The following B4GALT1 variants were observed in gnomAD, a reference collection of about 807,000 sequenced individuals.
B4GALT1 encodes the protein beta-1,4-galactosyltransferase 1, also known as N-acetyllactosamine synthase.
B4GALT1 carries 16 observed loss-of-function variants against 34.9 expected under a neutral mutation model. That is an observed-to-expected ratio of 0.46 (90% confidence interval 0.31 to 0.70). The LOEUF (loss-of-function observed/expected upper bound fraction) is 0.70, where lower values mean the gene tolerates loss of function less well. Ranked by LOEUF, B4GALT1 falls within the 30% of genes least tolerant of loss-of-function variation. B4GALT1 has a pLI of 0.05. For missense variants in B4GALT1, 445 were observed against 530.5 expected, an observed-to-expected ratio of 0.84 and a Z score of 1.58; for synonymous variants, 221 against 218.1, an observed-to-expected ratio of 1.01 and a Z score of -0.12.
chr9:33,113,382 C>T lies in B4GALT1; in HGVS notation c.*72G>A. ...ACTGGTAAAAATGAGAGGGACCAGC[C>T]CAGCAGATTGGCAGAGACACACAGC... On this transcript the variant is annotated 3_prime_UTR_variant, in exon 6 of 6. Coordinates refer to ENST00000379731, the MANE Select transcript of B4GALT1 (RefSeq NM_001497.4). 2.5e-6 allele frequency: 4 copies of T among 1,608,680 alleles called. No homozygotes were observed. In the South Asian group the frequency reaches 3.3e-5, roughly 13 times the overall value.
At chr9:33,110,083 G>A (rs1251864891), downstream of B4GALT1, among the ~76,000 whole-genome samples, 1 of 152,236 alleles carries the variant, frequency 6.6e-6, no homozygotes, top group Non-Finnish European at 1.5e-5. Context: ...GCCAAGGGTG[G>A]CTCTCCTGCT....
chr9:33,104,739 C>A lies in B4GALT1; in HGVS notation c.*13G>T, dbSNP rs1012146040. ...GCTGCCACCTCCAGAGCAGAACAGA[C>A]CAGGCGAAGCCTTCACCACAGGAGT... is the stretch of plus-strand genomic sequence containing the variant. On this transcript the variant is annotated 3_prime_UTR_variant, in exon 3 of 3. Coordinates refer to the B4GALT1 transcript ENST00000535206. 1.1e-5 allele frequency: 5 copies of A among 455,976 alleles called. No individual in the cohort carries two copies. In the Admixed American group the frequency reaches 1.2e-4, roughly 11 times the overall value. The allele number at this position is 455,976 out of a possible 1,614,324, so 28.2% of individuals were successfully genotyped here.
At chr9:33,141,327 GAAACCCCATCTCTACT>G (rs752882649) in intron 1 of B4GALT1, among the ~76,000 whole-genome samples, 4 of 152,072 alleles carry the variant, frequency 2.6e-5, no homozygotes, top group Non-Finnish European at 5.9e-5. Flanking sequence ...CCAACATGGT[GAAACCCCATCTCTACT>G]AAACCCCATC....
Position 33,113,882 on chromosome 9 carries a change from C to CA in B4GALT1, c.960-5dup. ...AGACATGCCTCTAAAAACTAATCTG[C>CA]AAAGAGTAAAGGGAAAGTCATTATC... On this transcript the variant is annotated splice_polypyrimidine_tract_variant and splice_region_variant and intron_variant, in intron 4 of 5. Transcript: ENST00000379731. The CA allele has an allele frequency of 1.2e-6, 2 of 1,613,920 alleles. No individual in the cohort carries two copies. Among genetic ancestry groups the CA allele is most frequent in the Non-Finnish European group, 1.7e-6 (2 of 1,179,776 alleles).
intron 1 of B4GALT1, among the ~76,000 whole-genome samples, chr9:33,142,218 T>A (rs1279480337): frequency 6.6e-6 from 1 of 152,174 alleles, no homozygotes; most frequent in African/African-American, 2.4e-5. Flanking sequence ...CTTGACCTCA[T>A]GATCTGCCTG....
At position 33,112,220 on chromosome 9, in the gene B4GALT1, G is replaced by T. The variant is rs1299998364; in HGVS notation, c.*1234C>A. Reference sequence around the variant, plus strand: ...AGAACAGAGGCTCCCTCTGCCTGGGGAGGTGCAAAGGGCTGGTAAACAACC... The same window carrying T: ...AGAACAGAGGCTCCCTCTGCCTGGGTAGGTGCAAAGGGCTGGTAAACAACC... On this transcript the variant is annotated 3_prime_UTR_variant, in exon 6 of 6. Coordinates refer to ENST00000379731, the MANE Select transcript of B4GALT1 (RefSeq NM_001497.4). The T allele has an allele frequency of 6.6e-6, 1 of 152,330 alleles. No individual in the cohort carries two copies. Among genetic ancestry groups the T allele is most frequent in the African/African-American group, 2.4e-5 (1 of 41,450 alleles). The allele number at this position is 152,330 out of a possible 1,614,324, so 9.4% of individuals were successfully genotyped here.
At chr9:33,154,756 C>T (rs901183834) in intron 1 of B4GALT1, among the ~76,000 whole-genome samples, 1 of 152,098 alleles carries the variant, frequency 6.6e-6, no homozygotes, top group African/African-American at 2.4e-5. Context: ...CATGTCCAAC[C>T]GATGGCCCAT....
the B4GALT1 span, among the ~76,000 whole-genome samples, chr9:33,173,591 GGTGTGTGTGTGTGTGTGTGTGT>G: frequency 1.4e-5 from 2 of 143,062 alleles, no homozygotes; most frequent in Non-Finnish European, 3.0e-5. Context: ...AAATAAGAAT[GGTGTGTGTGTGTGTGTGTGTGT>G]GTGTGTGTGT....
intron 2 of B4GALT1, among the ~76,000 whole-genome samples, chr9:33,122,927 T>C (rs1463238631): frequency 6.6e-6 from 1 of 152,120 alleles, no homozygotes; most frequent in Non-Finnish European, 1.5e-5. Context: ...GCAGATCACT[T>C]GAGGTCAGGA....
intron 1 of B4GALT1, among the ~76,000 whole-genome samples, chr9:33,144,182 C>CT (rs1419686415): frequency 6.6e-6 from 1 of 152,078 alleles, no homozygotes; most frequent in Non-Finnish European, 1.5e-5. Context: ...CTGTGCCTGA[C>CT]TAAATATCTA....
intron 2 of B4GALT1, among the ~76,000 whole-genome samples, chr9:33,129,549 AGCCCCGT>A (rs1252114507): frequency 6.6e-6 from 1 of 152,182 alleles, no homozygotes; most frequent in Non-Finnish European, 1.5e-5. Context: ...CCTGGAGAGA[AGCCCCGT>A]GCTCCACTCA....
At chr9:33,118,546 T>A (rs776590227) in intron 3 of B4GALT1, among the ~76,000 whole-genome samples, 1 of 151,568 alleles carries the variant, frequency 6.6e-6, no homozygotes, top group African/African-American at 2.4e-5. Flanking sequence ...GGCCCACACC[T>A]GTGGTCCCAG....
intron 4 of B4GALT1, among the ~76,000 whole-genome samples, chr9:33,115,709 CCTT>C (rs748910776): frequency 2.6e-5 from 4 of 152,236 alleles, no homozygotes; most frequent in Non-Finnish European, 4.4e-5. Flanking sequence ...TTGGTTTACT[CCTT>C]GAGTACAAAA....
upstream of B4GALT1, among the ~76,000 whole-genome samples, chr9:33,167,841 C>G (rs1169364648): frequency 2.6e-5 from 4 of 152,304 alleles, no homozygotes; most frequent in South Asian, 2.1e-4. Flanking sequence ...GGCTTCGACG[C>G]CGGGCGAGGA....
At chr9:33,144,027 C>T (rs984323402) in intron 1 of B4GALT1, among the ~76,000 whole-genome samples, 4 of 151,892 alleles carry the variant, frequency 2.6e-5, no homozygotes, top group African/African-American at 9.7e-5. Flanking sequence ...ATCACAGTCA[C>T]GAGCCACACA....
chr9:33,144,948 C>T (rs1339583461), intron 1 of B4GALT1, among the ~76,000 whole-genome samples: 2 of 152,134 alleles, frequency 1.3e-5, no homozygotes, highest in African/African-American at 4.8e-5. Flanking sequence ...AGCCATCTTG[C>T]CTTTGATGTT....
rs1463778315 is a variant in B4GALT1, at chr9:33,111,011, C to T, written c.*2443G>A. ...AAAAGGGCACGGCACATGACAACTT[C>T]GCGGTCATAACTCCCAGGAAAAGGA... On this transcript the variant is annotated 3_prime_UTR_variant, in exon 6 of 6. Coordinates refer to ENST00000379731, the MANE Select transcript of B4GALT1 (RefSeq NM_001497.4). 6.6e-6 allele frequency: 1 copy of T among 152,244 alleles called. No individual in the cohort carries two copies. The highest frequency in any genetic ancestry group is 2.4e-5 in the African/African-American group (1 of 41,408). The allele number at this position is 152,244 out of a possible 1,614,324, so 9.4% of individuals were successfully genotyped here.
chr9:33,120,517 A>C lies in B4GALT1; in HGVS notation c.738T>G (p.Phe246Leu), dbSNP rs1229898343. 6.2e-7 allele frequency: 1 copy of C among 1,614,112 alleles called. No individual in the cohort carries two copies. The highest frequency in any genetic ancestry group is 1.3e-5 in the African/African-American group (1 of 74,938). ...LKDYDYTCFV[F>L]SDVDLIPMND... ...TCATTGGAATGAGGTCCACGTCACT[A>C]AACACAAAGCAGGTGTAGTCATAGT... is the stretch of plus-strand genomic sequence containing the variant. The change falls in exon 3 of 6, where the codon TTT becomes TTG. Residue 246 changes from phenylalanine to leucine, a missense_variant. This residue lies in a region of B4GALT1 where 349 missense variants were observed against 395.5 expected (regional missense o/e 0.88). Coordinates refer to ENST00000379731, the MANE Select transcript of B4GALT1 (RefSeq NM_001497.4).
chr9:33,126,181 C>T (rs1353778579), intron 2 of B4GALT1, among the ~76,000 whole-genome samples: 1 of 152,176 alleles, frequency 6.6e-6, no homozygotes, highest in Non-Finnish European at 1.5e-5. Context: ...GTATGCTTTT[C>T]TGTGCCCACT....
Sources: gnomAD v4.1 joint callset for allele counts (sites outside exome capture counted in the v4.1 genomes callset) on GRCh38, gnomAD v4.1.1 for gene constraint, gnomAD v4.1.1 regional missense constraint, MANE v1.5 for transcripts, NCBI Gene and HGNC (gene_info 2026-07-23, HGNC 2026-07-21) for gene names.